Variants in PXDNL observed in about 807,000 individuals in gnomAD.
PXDNL encodes the protein peroxidasin like, also known as probable oxidoreductase PXDNL.
In PXDNL, 145 loss-of-function variants were observed where a neutral mutation model predicts 150.8. That is an observed-to-expected ratio of 0.96 (90% confidence interval 0.84 to 1.10). The LOEUF (loss-of-function observed/expected upper bound fraction) is 1.10. Ranked by LOEUF, PXDNL falls within the 50% of genes least tolerant of loss-of-function variation. The pLI is 0.00. For missense variants in PXDNL, 2,087 were observed against 1,873.9 expected (o/e 1.11, Z -2.10); for synonymous variants, 757 against 725.7 (o/e 1.04, Z -0.69).
rs1317140999 is a variant in PXDNL at position 51,457,559 on chromosome 8, G to A, written c.921C>T (p.Ala307=). ...ESDQGVYQCM[A]RNSAGEAKTQ... is the part of the protein sequence containing the mutation. ...TCTTGGCTTCCCCAGCGGAATTTCT[G>A]GCCATGCACTGATAGACACCTTGGT... The change falls in exon 9 of 23, where the codon GCC becomes GCT. Residue 307 remains alanine (A), a synonymous_variant. Transcript: ENST00000356297. The A allele has an allele frequency of 5.0e-6, 8 of 1,613,494 alleles. No individual in the cohort carries two copies. Among genetic ancestry groups the A allele is most frequent in the Non-Finnish European group, 6.8e-6 (8 of 1,179,768 alleles).
intron 3 of PXDNL, among the ~76,000 whole-genome samples, chr8:51,579,506 T>C (rs1028289044): frequency 6.6e-6 from 1 of 152,010 alleles, no homozygotes; most frequent in African/African-American, 2.4e-5. Flanking sequence ...TATAAAATGG[T>C]ACAGCTCCTC....
intron 4 of PXDNL, among the ~76,000 whole-genome samples, chr8:51,500,500 C>A (rs1331144561): frequency 6.6e-6 from 1 of 152,210 alleles, no homozygotes; most frequent in Admixed American, 6.5e-5. Context: ...GTTGAGCAGA[C>A]CTTTGTGAAG....
chr8:51,658,351 A>G (rs1815196908), intron 1 of PXDNL, among the ~76,000 whole-genome samples: 1 of 119,602 alleles, frequency 8.4e-6, no homozygotes, highest in Non-Finnish European at 1.7e-5. Flanking sequence ...CAAGAAAAAA[A>G]AAAAAAAAAA....
At chr8:51,679,790 T>G (rs73678946) in intron 1 of PXDNL, among the ~76,000 whole-genome samples, 4,390 of 152,250 alleles carry the variant, frequency 0.029, 232 homozygotes, top group African/African-American at 0.1. Context: ...AATGGCCTGA[T>G]AAGTGCTCAT....
intron 1 of PXDNL, among the ~76,000 whole-genome samples, chr8:51,803,896 A>G (rs1374725115): frequency 3.3e-5 from 5 of 152,160 alleles, no homozygotes; most frequent in Admixed American, 2.0e-4. Context: ...CTGAGCTTAT[A>G]TATTTCTGAG....
intron 1 of PXDNL, among the ~76,000 whole-genome samples, chr8:51,764,695 T>C (rs541900357): frequency 2.6e-5 from 4 of 152,198 alleles, no homozygotes; most frequent in African/African-American, 4.8e-5. Flanking sequence ...CAGTCCTTTT[T>C]AATTTAGTGA....
chr8:51,689,338 C>G (rs1048750002), intron 1 of PXDNL, among the ~76,000 whole-genome samples: 6 of 137,904 alleles, frequency 4.4e-5, no homozygotes, highest in African/African-American at 1.3e-4. Flanking sequence ...TTTTTTTTTG[C>G]TTCATTTTGG....
chr8:51,786,519 C>T (rs913882214), intron 1 of PXDNL, among the ~76,000 whole-genome samples: 1 of 151,960 alleles, frequency 6.6e-6, no homozygotes, highest in Admixed American at 6.6e-5. Context: ...TTCCTCACTC[C>T]CCGACCCCCA....
At chr8:51,339,784 G>A (rs1277521212) in intron 20 of PXDNL, 31 bp from the exon 21 acceptor site, 17 of 1,579,392 alleles carry the variant, frequency 1.1e-5, no homozygotes, top group Admixed American at 1.9e-5. Context: ...ATAAAATGCT[G>A]AAAAATAAAA....
At chr8:51,801,963 C>T (rs718251) in intron 1 of PXDNL, among the ~76,000 whole-genome samples, 1 of 152,046 alleles carries the variant, frequency 6.6e-6, no homozygotes, top group Middle Eastern at 3.4e-3. Flanking sequence ...ACACTCCAGG[C>T]GACATGAGTA....
At chr8:51,753,502 GA>G (rs1333909460) in intron 1 of PXDNL, among the ~76,000 whole-genome samples, 1 of 152,196 alleles carries the variant, frequency 6.6e-6, no homozygotes, top group Non-Finnish European at 1.5e-5. Context: ...AATCAAAAAA[GA>G]AGAGTATCTT....
chr8:51,664,703 G>C (rs938652938), intron 1 of PXDNL, among the ~76,000 whole-genome samples: 3 of 152,070 alleles, frequency 2.0e-5, no homozygotes, highest in African/African-American at 7.2e-5. Flanking sequence ...TCCCAGCCTG[G>C]TTCTTGACCA....
At chr8:51,642,202 G>T (rs1180142536) in intron 2 of PXDNL, among the ~76,000 whole-genome samples, 2 of 148,626 alleles carry the variant, frequency 1.3e-5, no homozygotes, top group Non-Finnish European at 3.0e-5. Flanking sequence ...TCTGGGGACT[G>T]TTGTGGGGTG....
At chr8:51,691,318 CTT>C (rs1815992248) in intron 1 of PXDNL, among the ~76,000 whole-genome samples, 1 of 152,122 alleles carries the variant, frequency 6.6e-6, no homozygotes, top group African/African-American at 2.4e-5. Context: ...ACATTTAAGT[CTT>C]TAATCCATCT....
chr8:51,489,041 T>A (rs10095992), intron 5 of PXDNL, among the ~76,000 whole-genome samples: 6,258 of 152,228 alleles, frequency 0.041, 416 homozygotes, highest in African/African-American at 0.14. Context: ...GTAGTAAATG[T>A]TAAAAAGTAA....
intron 1 of PXDNL, among the ~76,000 whole-genome samples, chr8:51,804,442 TCTC>T (rs1163372494): frequency 6.6e-6 from 1 of 152,116 alleles, no homozygotes; most frequent in African/African-American, 2.4e-5. Flanking sequence ...CAATTTTTTT[TCTC>T]CTCTTTTTCA....
intron 8 of PXDNL, among the ~76,000 whole-genome samples, chr8:51,462,562 C>T (rs1586126608): frequency 2.0e-5 from 3 of 152,132 alleles, no homozygotes; most frequent in African/African-American, 7.2e-5. Context: ...AGCTCAAAAA[C>T]TGGTTCTTTG....
At chr8:51,413,294 C>T in intron 14 of PXDNL, 36 bp from the exon 15 acceptor site, 1 of 1,329,908 alleles carries the variant, frequency 7.5e-7, no homozygotes, top group Middle Eastern at 1.8e-4. Flanking sequence ...AAATATCAAA[C>T]AGACCTTGAA....
intron 22 of PXDNL, among the ~76,000 whole-genome samples, chr8:51,320,311 G>T (rs995862223): frequency 6.6e-6 from 1 of 152,196 alleles, no homozygotes; most frequent in Non-Finnish European, 1.5e-5. Context: ...GAAAGAATCA[G>T]CTCTGTTCAA....
Sources: gnomAD v4.1 joint callset for allele counts (sites outside exome capture counted in the v4.1 genomes callset) on GRCh38, gnomAD v4.1.1 for gene constraint, MANE v1.5 for transcripts, NCBI Gene and HGNC (gene_info 2026-07-23, HGNC 2026-07-21) for gene names.